APP: variants seen among roughly 807,000 people sequenced by gnomAD.
The protein encoded by APP is amyloid-beta precursor protein.
APP carries 31 observed loss-of-function variants against 101.4 expected under a neutral mutation model. The observed-to-expected ratio is 0.31, with a 90% CI of 0.23 to 0.41. The LOEUF is 0.41. APP is among the 10% of genes least tolerant of loss of function. The pLI, the probability that APP is intolerant of heterozygous loss-of-function variation, is 1.00. For synonymous variants in APP, 366 were observed against 364.4 expected (o/e 1.00, Z -0.05); for missense variants, 839 against 1,003.7 (o/e 0.84, Z 2.22).
rs138876016 is a variant in APP at position 26,048,740 on chromosome 21, TAGCAGAGCA to T, written c.662+2251_662+2259del. 1.7e-3 allele frequency among the ~76,000 whole-genome samples: 266 copies of T among 152,316 alleles called. 7 individuals are homozygous for T. In the East Asian group the frequency reaches 0.043, roughly 25 times the overall value. On this transcript the variant is annotated intron_variant, in intron 5 of 17. Coordinates refer to ENST00000346798, the MANE Select transcript of APP (RefSeq NM_000484.4). ...AGAAAAAGGTAAAGCAAGGGTAGTATAGCAGAGCAAGGCACCTGTAAAGACTTGTAAAGG... is the reference window on the plus strand; with the variant it reads ...AGAAAAAGGTAAAGCAAGGGTAGTATAGGCACCTGTAAAGACTTGTAAAGG...
chr21:25,907,335 A>G (rs2038845863), intron 14 of APP, among the ~76,000 whole-genome samples: 1 of 152,240 alleles, frequency 6.6e-6, no homozygotes, highest in Non-Finnish European at 1.5e-5. Context: ...AGACATTAAA[A>G]GTTTTTTAAA....
intron 1 of APP, among the ~76,000 whole-genome samples, chr21:26,125,437 A>G (rs1180441367): frequency 6.6e-6 from 1 of 152,122 alleles, no homozygotes; most frequent in Non-Finnish European, 1.5e-5. Flanking sequence ...GAAATTAAAC[A>G]TTTTTGAGGG....
Position 25,903,811 on chromosome 21 carries a change from G to C in APP, c.1963+1213C>G, listed in dbSNP as rs147978705. ...AGTTCCCCTTAAAAGCCTACAGACA[G>C]AAATTCATAAATCAACGAGACCAGC... is the stretch of plus-strand genomic sequence containing the variant. On this transcript the variant is annotated intron_variant, in intron 15 of 17. Coordinates refer to ENST00000346798, the MANE Select transcript of APP (RefSeq NM_000484.4). Among the ~76,000 whole-genome samples, 296 of 152,332 alleles carry C rather than the reference G, an allele frequency of 1.9e-3. 1 individual carries two copies. Among genetic ancestry groups the C allele is most frequent in the African/African-American group, 6.5e-3 (270 of 41,590 alleles).
Position 25,911,758 on chromosome 21 carries a change from G to T in APP, c.1892C>A (p.Ala631Asp). 1 of 1,614,038 alleles carries T rather than the reference G, an allele frequency of 6.2e-7. No individual in the cohort carries two copies. Among genetic ancestry groups the T allele is most frequent in the Non-Finnish European group, 8.5e-7 (1 of 1,180,018 alleles). Residue 631 changes from alanine (A) to aspartate (D), a missense_variant, in exon 14 of 18, where the codon GCC (alanine) becomes GAC (aspartate). Coordinates refer to ENST00000346798, the MANE Select transcript of APP (RefSeq NM_000484.4). Reference sequence around the variant, plus strand: ...ACTCTTACCTTCGTTTTCTGTGTTGGCTGGCACAGAGTCAGCCCCAAAAGA... The same window carrying T: ...ACTCTTACCTTCGTTTTCTGTGTTGTCTGGCACAGAGTCAGCCCCAAAAGA... ...WHSFGADSVP[A>D]NTENEVEPVD...
intron 3 of APP, among the ~76,000 whole-genome samples, chr21:26,073,566 G>C (rs1486052951): frequency 1.3e-5 from 2 of 152,226 alleles, no homozygotes; most frequent in East Asian, 3.8e-4. Flanking sequence ...TCTGTGAAGA[G>C]ACAGAGCGAG....
chr21:26,041,427 T>C (rs1282721945), intron 5 of APP, among the ~76,000 whole-genome samples: 1 of 152,208 alleles, frequency 6.6e-6, no homozygotes, highest in Non-Finnish European at 1.5e-5. Context: ...CTTTTCCTAC[T>C]ATTTTTAAGC....
intron 1 of APP, among the ~76,000 whole-genome samples, chr21:26,115,160 TC>T (rs779715983): frequency 2.1e-4 from 32 of 152,204 alleles, no homozygotes; most frequent in Non-Finnish European, 4.1e-4. Flanking sequence ...CAAGTGGAGA[TC>T]ATTTAATAAT....
intron 8 of APP, among the ~76,000 whole-genome samples, chr21:25,985,077 A>G (rs2146612178): frequency 6.6e-6 from 1 of 152,352 alleles, no homozygotes; most frequent in South Asian, 2.1e-4. Context: ...GATTGGCCTA[A>G]GTAGAAATGC....
chr21:25,901,303 A>C (rs1222204848), intron 15 of APP, among the ~76,000 whole-genome samples: 93 of 68,210 alleles, frequency 1.4e-3, no homozygotes, highest in African/African-American at 3.3e-3. Flanking sequence ...TTTTAAAAAA[A>C]AAAAAAAAAA....
At chr21:26,113,948 G>A (rs2062381654) in intron 1 of APP, among the ~76,000 whole-genome samples, 1 of 152,196 alleles carries the variant, frequency 6.6e-6, no homozygotes, top group Admixed American at 6.5e-5. Flanking sequence ...CAGATGCTAT[G>A]GAGGGCCCTG....
intron 7 of APP, among the ~76,000 whole-genome samples, chr21:25,997,631 T>C (rs1252901282): frequency 6.6e-6 from 1 of 152,202 alleles, no homozygotes; most frequent in East Asian, 1.9e-4. Flanking sequence ...TTGTCTCTGA[T>C]AGTATATCCG....
intron 6 of APP, among the ~76,000 whole-genome samples, chr21:26,016,258 C>T (rs2044057966): frequency 6.6e-6 from 1 of 152,146 alleles, no homozygotes; most frequent in African/African-American, 2.4e-5. Context: ...GTCTCTAACT[C>T]CTGACCTCAG....
intron 1 of APP, among the ~76,000 whole-genome samples, chr21:26,124,705 G>A (rs2062645532): frequency 6.6e-6 from 1 of 152,178 alleles, no homozygotes; most frequent in Non-Finnish European, 1.5e-5. Flanking sequence ...GATAGAAACG[G>A]ATTGTTGATG....
At chr21:26,045,529 A>C (rs773107654) in intron 5 of APP, among the ~76,000 whole-genome samples, 2 of 152,250 alleles carry the variant, frequency 1.3e-5, no homozygotes, top group African/African-American at 4.8e-5. Context: ...ACTCTTATTA[A>C]AATTGCTAAT....
chr21:26,085,514 G>A (rs2061686275), intron 3 of APP, among the ~76,000 whole-genome samples: 1 of 152,134 alleles, frequency 6.6e-6, no homozygotes, highest in African/African-American at 2.4e-5. Flanking sequence ...CTAGCACACT[G>A]GATTACATAC....
rs548107867 is a variant in APP, at chr21:26,167,872, T to G, written c.57+2692A>C. ...AGAAAAGCTTCTGCAGTCTGCCAGT[T>G]ATCATGGTTTCTCATCGATTAGCAA... is the stretch of plus-strand genomic sequence containing the variant. On this transcript the variant is annotated intron_variant, in intron 1 of 17. Coordinates refer to ENST00000346798, the MANE Select transcript of APP (RefSeq NM_000484.4). Among the ~76,000 whole-genome samples the G allele has an allele frequency of 2.0e-5, 3 of 152,298 alleles. No homozygotes were observed. The East Asian group carries it at 5.8e-4, about 29-fold the overall frequency.
At chr21:26,138,797 A>T (rs2830085) in intron 1 of APP, among the ~76,000 whole-genome samples, 14,723 of 152,254 alleles carry the variant, frequency 0.097, 911 homozygotes, top group Admixed American at 0.15. Context: ...AGTACCTGTT[A>T]CTCAATATTT....
At position 26,111,994 on chromosome 21, in the gene APP, C is replaced by A. The variant is rs1434612731; in HGVS notation, c.210G>T (p.Leu70=). 8 of 1,613,938 alleles carry A rather than the reference C, an allele frequency of 5.0e-6. No individual in the cohort carries two copies. The highest frequency in any genetic ancestry group is 6.8e-6 in the Non-Finnish European group (8 of 1,180,000). ...CAGGACTTACTTCTTGGCAATACTG[C>A]AGGATGCCTTCCTTGGTATCAATGC... is the stretch of plus-strand genomic sequence containing the variant. ...KTCIDTKEGI[L]QYCQEVYPEL... is the part of the protein sequence containing the mutation. The change falls in exon 2 of 18, where the codon CTG becomes CTT. Residue 70 remains leucine, a synonymous_variant. Coordinates refer to ENST00000346798, the MANE Select transcript of APP (RefSeq NM_000484.4).
chr21:26,034,639 A>C (rs1198670466), intron 5 of APP, among the ~76,000 whole-genome samples: 12 of 55,564 alleles, frequency 2.2e-4, no homozygotes, highest in Non-Finnish European at 2.2e-4. Flanking sequence ...AAGACTTCTC[A>C]AAAAAAAAAA....
Sources: gnomAD v4.1 joint callset for allele counts (sites outside exome capture counted in the v4.1 genomes callset) on GRCh38, gnomAD v4.1.1 for gene constraint, MANE v1.5 for transcripts, NCBI Gene and HGNC (gene_info 2026-07-23, HGNC 2026-07-21) for gene names.